Variants in ARHGAP31 observed in about 807,000 individuals in gnomAD.
ARHGAP31 encodes the protein rho GTPase-activating protein 31.
Under a neutral mutation model 113.9 loss-of-function variants are expected in ARHGAP31, and 34 were observed. The observed-to-expected ratio is 0.30, with a 90% CI of 0.23 to 0.40. The LOEUF (loss-of-function observed/expected upper bound fraction) is 0.40, where lower values mean the gene tolerates loss of function less well. Ranked by LOEUF, ARHGAP31 falls within the 10% of genes least tolerant of loss-of-function variation. The pLI, the probability that ARHGAP31 is intolerant of heterozygous loss-of-function variation, is 1.00. For missense variants in ARHGAP31, 1,548 were observed against 1,767.1 expected, an observed-to-expected ratio of 0.88 and a Z score of 2.22; for synonymous variants, 650 against 684.8, an observed-to-expected ratio of 0.95 and a Z score of 0.79.
chr3:119,336,679 A>C (rs1302333389), intron 1 of ARHGAP31, among the ~76,000 whole-genome samples: 1 of 150,504 alleles, frequency 6.6e-6, no homozygotes, highest in African/African-American at 2.4e-5. Flanking sequence ...CCACACAGCC[A>C]CCTATTTAAA....
intron 11 of ARHGAP31, among the ~76,000 whole-genome samples, chr3:119,410,901 G>A (rs1188798716): frequency 6.6e-6 from 1 of 152,188 alleles, no homozygotes; most frequent in African/African-American, 2.4e-5. Context: ...GTGCATGGGA[G>A]CACATAGCAA....
At chr3:119,315,977 T>C (rs2079727023) in intron 1 of ARHGAP31, among the ~76,000 whole-genome samples, 1 of 152,184 alleles carries the variant, frequency 6.6e-6, no homozygotes, top group Non-Finnish European at 1.5e-5. Context: ...CAGGTAATTA[T>C]CACACATGCT....
intron 6 of ARHGAP31, among the ~76,000 whole-genome samples, chr3:119,388,308 T>TATATATATATA (rs1553765977): frequency 0.082 from 10,917 of 133,376 alleles, 655 homozygotes; most frequent in Middle Eastern, 0.093. Flanking sequence ...TGTATAATTT[T>TATATATATATA]TATATATATA....
intron 2 of ARHGAP31, among the ~76,000 whole-genome samples, chr3:119,365,783 T>C (rs1241952115): frequency 6.6e-6 from 1 of 152,276 alleles, no homozygotes; most frequent in Admixed American, 6.5e-5. Flanking sequence ...ACTAGGTTCC[T>C]GTTACTTAGT....
At chr3:119,307,939 G>GAAAAAAAAAAA (rs1559961514) in intron 1 of ARHGAP31, among the ~76,000 whole-genome samples, 5 of 1,648 alleles carry the variant, frequency 3.0e-3, no homozygotes, top group African/African-American at 8.7e-3. Flanking sequence ...TGAATTAACA[G>GAAAAAAAAAAA]CAAAAAAAAA....
chr3:119,363,009 A>G (rs965416721), intron 1 of ARHGAP31, among the ~76,000 whole-genome samples: 1 of 152,360 alleles, frequency 6.6e-6, no homozygotes, highest in Admixed American at 6.5e-5. Flanking sequence ...AGTCCTAGCT[A>G]CAAGATTAGT....
In ARHGAP31 at chr3:119,365,440, A is replaced by G. The variant is rs770166698; in HGVS notation, c.203+22A>G. 3.0e-5 allele frequency: 48 copies of G among 1,590,600 alleles called. 1 individual carries two copies. The South Asian group carries it at 4.6e-4, about 15-fold the overall frequency. ...TAAGGTAAGCTAAAAGAATAGCCCTAAAAGAATTCTCCCATGATTCCTCCT... is the reference window on the plus strand; with the variant it reads ...TAAGGTAAGCTAAAAGAATAGCCCTGAAAGAATTCTCCCATGATTCCTCCT... On this transcript the variant is annotated intron_variant, in intron 2 of 11. Transcript: ENST00000264245.
At chr3:119,384,520 G>A (rs2080431883) in intron 6 of ARHGAP31, among the ~76,000 whole-genome samples, 1 of 152,184 alleles carries the variant, frequency 6.6e-6, no homozygotes, top group Admixed American at 6.5e-5. Context: ...CTAGCACCTG[G>A]TGAGGGCCTT....
intron 7 of ARHGAP31, 35 bp downstream of exon 7, chr3:119,391,018 G>A (rs1260202797): frequency 1.2e-6 from 2 of 1,606,488 alleles, no homozygotes; most frequent in Non-Finnish European, 1.7e-6. Context: ...TCTAGGAGAT[G>A]TGTGGTTGAA....
At chr3:119,314,716 T>C (rs1195070823) in intron 1 of ARHGAP31, 2 of 152,318 alleles carry the variant, frequency 1.3e-5, no homozygotes, top group Non-Finnish European at 1.5e-5. Flanking sequence ...CTGCAGATAA[T>C]TGTCATCTGG....
At chr3:119,329,763 A>G in intron 1 of ARHGAP31, 1 of 979,740 alleles carries the variant, frequency 1.0e-6, no homozygotes, top group Non-Finnish European at 1.2e-6. Context: ...GCTCACGCTC[A>G]TTCCACAGTG....
rs368449482 is a variant in ARHGAP31 at position 119,402,218 on chromosome 3, C to T, written c.1466C>T (p.Pro489Leu). Reference sequence around the variant, plus strand: ...CGCAAGGCGCTGAACATCTCCGAGCCCTTTGCGGTATCTGTGCCGCTCCGC... The same window carrying T: ...CGCAAGGCGCTGAACATCTCCGAGCTCTTTGCGGTATCTGTGCCGCTCCGC... ...NQRKALNISE[P>L]FAVSVPLRVS... is the part of the protein sequence containing the mutation. The change falls in exon 10 of 12, where the codon CCC becomes CTC. Residue 489 changes from proline (P) to leucine (L), a missense_variant. Transcript: ENST00000264245. The T allele has an allele frequency of 1.2e-6, 2 of 1,614,170 alleles. No homozygotes were observed. Among genetic ancestry groups the T allele is most frequent in the African/African-American group, 2.7e-5 (2 of 74,952 alleles).
chr3:119,400,811 C>T (rs1021119121), intron 9 of ARHGAP31, among the ~76,000 whole-genome samples: 5 of 152,162 alleles, frequency 3.3e-5, no homozygotes, highest in African/African-American at 4.8e-5. Flanking sequence ...CCTGGCAACT[C>T]GCGTATCATC....
intron 1 of ARHGAP31, among the ~76,000 whole-genome samples, chr3:119,321,003 A>G (rs1421057066): frequency 6.6e-6 from 1 of 152,086 alleles, no homozygotes; most frequent in Non-Finnish European, 1.5e-5. Context: ...ATCTTCCACC[A>G]TGACTTGTGG....
At chr3:119,341,799 G>A (rs1286705594) in intron 1 of ARHGAP31, 1 of 151,746 alleles carries the variant, frequency 6.6e-6, no homozygotes, top group Non-Finnish European at 1.5e-5. Flanking sequence ...CTACCTCTCA[G>A]GGGTCTGCCA....
Position 119,416,478 on chromosome 3 carries a change from TG to T in ARHGAP31, c.*215del. On this transcript the variant is annotated 3_prime_UTR_variant, in exon 12 of 12. Coordinates refer to ENST00000264245, the MANE Select transcript of ARHGAP31 (RefSeq NM_020754.4). The stretch of plus-strand genomic sequence containing the variant: ...GAGAGATGAAATTTAGTTAAGTCTA[TG>T]TGAGCAAGTGAGAGAAGGTTAGGTA... The T allele has an allele frequency of 1.6e-6, 1 of 645,032 alleles. No homozygotes were observed. Among genetic ancestry groups the T allele is most frequent in the Non-Finnish European group, 2.6e-6 (1 of 379,698 alleles). The allele number at this position is 645,032 out of a possible 1,614,324, so 40.0% of individuals were successfully genotyped here. A position where few individuals can be genotyped will look rare whatever the true frequency, so the allele number is the denominator to read the frequency against.
intron 6 of ARHGAP31, among the ~76,000 whole-genome samples, chr3:119,389,201 A>C (rs1271365855): frequency 2.0e-5 from 3 of 151,918 alleles, no homozygotes; most frequent in Non-Finnish European, 4.4e-5. Context: ...CTAACAAACA[A>C]ACAAAAAAAA....
intron 1 of ARHGAP31, among the ~76,000 whole-genome samples, chr3:119,341,003 T>C (rs1001517208): frequency 2.0e-5 from 3 of 152,168 alleles, no homozygotes; most frequent in African/African-American, 7.2e-5. Flanking sequence ...AGTGTGTGCA[T>C]GGGAAACATC....
At chr3:119,387,043 C>G (rs865821267) in intron 6 of ARHGAP31, among the ~76,000 whole-genome samples, 13 of 152,168 alleles carry the variant, frequency 8.5e-5, no homozygotes, top group Non-Finnish European at 1.5e-4. Context: ...GCGAGCCTGA[C>G]TGATGTCAGG....
Sources: gnomAD v4.1 joint callset for allele counts (sites outside exome capture counted in the v4.1 genomes callset) on GRCh38, gnomAD v4.1.1 for gene constraint, MANE v1.5 for transcripts, NCBI Gene and HGNC (gene_info 2026-07-23, HGNC 2026-07-21) for gene names.